The following AFG2A variants were observed in gnomAD, a reference collection of about 807,000 sequenced individuals.
The protein encoded by AFG2A is ATPase family gene 2 protein homolog A.
At chr4:123,085,727 CT>C in the AFG2A span, among the ~76,000 whole-genome samples, 2 of 152,186 alleles carry the variant, frequency 1.3e-5, no homozygotes, top group South Asian at 4.1e-4. Context: ...GGATTAATAT[CT>C]ACGATATTTG....
At chr4:123,191,962 G>T in the AFG2A span, among the ~76,000 whole-genome samples, 1 of 151,400 alleles carries the variant, frequency 6.6e-6, no homozygotes, top group South Asian at 2.1e-4. Context: ...GTTTCCTTAT[G>T]ATTTGTGGGT....
At chr4:123,101,966 T>G in the AFG2A span, among the ~76,000 whole-genome samples, 1 of 151,966 alleles carries the variant, frequency 6.6e-6, no homozygotes, top group Non-Finnish European at 1.5e-5. Flanking sequence ...AGACTGTGTA[T>G]TATTTGAAAT....
the AFG2A span, among the ~76,000 whole-genome samples, chr4:123,101,279 G>A: frequency 6.6e-6 from 1 of 151,886 alleles, no homozygotes; most frequent in Non-Finnish European, 1.5e-5. Context: ...AGATGGTTGA[G>A]ATTATTTATG....
chr4:122,969,504 G>A, the AFG2A span, among the ~76,000 whole-genome samples: 1 of 152,164 alleles, frequency 6.6e-6, no homozygotes, highest in African/African-American at 2.4e-5. Flanking sequence ...TTTCTGGAGG[G>A]TAAGTGATAT....
the AFG2A span, among the ~76,000 whole-genome samples, chr4:123,081,875 C>G: frequency 6.6e-6 from 1 of 152,124 alleles, no homozygotes; most frequent in Non-Finnish European, 1.5e-5. Flanking sequence ...TTTTCATTTG[C>G]AGTTCCCTAA....
the AFG2A span, among the ~76,000 whole-genome samples, chr4:122,984,166 C>A: frequency 6.6e-6 from 1 of 152,060 alleles, no homozygotes; most frequent in Middle Eastern, 3.2e-3. Context: ...TTGTAGAGGT[C>A]TTTCGACTCC....
At chr4:123,131,018 A>G in the AFG2A span, among the ~76,000 whole-genome samples, 3 of 152,136 alleles carry the variant, frequency 2.0e-5, no homozygotes, top group Non-Finnish European at 4.4e-5. Flanking sequence ...ATTACCAGCA[A>G]TATCAGGCAT....
chr4:123,048,570 T>A, the AFG2A span, among the ~76,000 whole-genome samples: 11 of 152,318 alleles, frequency 7.2e-5, no homozygotes, highest in African/African-American at 2.6e-4. Context: ...CTTGTAGAGA[T>A]CTTTGACTTC....
the AFG2A span, among the ~76,000 whole-genome samples, chr4:123,101,446 T>A: frequency 6.6e-6 from 1 of 151,966 alleles, no homozygotes; most frequent in Non-Finnish European, 1.5e-5. Context: ...TTATTATATA[T>A]ATACTGATAA....
At chr4:123,031,657 A>C in the AFG2A span, among the ~76,000 whole-genome samples, 1 of 152,254 alleles carries the variant, frequency 6.6e-6, no homozygotes, top group Non-Finnish European at 1.5e-5. Flanking sequence ...CAGTTAGGAA[A>C]CACAAGTATT....
chr4:123,043,896 ATAT>A, the AFG2A span, among the ~76,000 whole-genome samples: 2 of 152,146 alleles, frequency 1.3e-5, no homozygotes, highest in Admixed American at 6.6e-5. Flanking sequence ...CAGTCAGCAG[ATAT>A]TATTATTCTT....
chr4:123,016,699 T>A, the AFG2A span, among the ~76,000 whole-genome samples: 2 of 151,050 alleles, frequency 1.3e-5, no homozygotes, highest in African/African-American at 4.9e-5. Context: ...GCAGAGACGC[T>A]CCTCACTTCC....
chr4:123,197,895 G>A, the AFG2A span, among the ~76,000 whole-genome samples: 32 of 152,138 alleles, frequency 2.1e-4, no homozygotes, highest in Non-Finnish European at 4.4e-5. Context: ...AAGAGTTTTT[G>A]AATGCTGAAC....
the AFG2A span, chr4:123,313,779 G>T: frequency 1.5e-5 from 15 of 996,300 alleles, no homozygotes; most frequent in East Asian, 4.3e-4. Flanking sequence ...TTAGCAATGG[G>T]CATTTAGTTG....
the AFG2A span, among the ~76,000 whole-genome samples, chr4:123,302,460 C>G: frequency 6.6e-6 from 1 of 152,128 alleles, no homozygotes. Context: ...AGACAATTAT[C>G]TTGACTATAA....
At chr4:122,954,109 C>T in the AFG2A span, among the ~76,000 whole-genome samples, 6,250 of 152,234 alleles carry the variant, frequency 0.041, 416 homozygotes, top group African/African-American at 0.14. Context: ...CTCATCTGGC[C>T]ACGCTTCATT....
At chr4:122,993,540 A>G in the AFG2A span, among the ~76,000 whole-genome samples, 1 of 152,064 alleles carries the variant, frequency 6.6e-6, no homozygotes, top group African/African-American at 2.4e-5. Context: ...AAATCTTTGC[A>G]TTTATGATTT....
chr4:123,072,359 G>A, the AFG2A span, among the ~76,000 whole-genome samples: 1 of 152,174 alleles, frequency 6.6e-6, no homozygotes, highest in Non-Finnish European at 1.5e-5. Flanking sequence ...TCACAGCACT[G>A]TGTGGGAAGT....
chr4:123,039,031 A>AT, the AFG2A span, among the ~76,000 whole-genome samples: 1 of 152,086 alleles, frequency 6.6e-6, no homozygotes, highest in Non-Finnish European at 1.5e-5. Context: ...AGATATTGAC[A>AT]TTGTACTTAG....
Sources: gnomAD v4.1 joint callset for allele counts (sites outside exome capture counted in the v4.1 genomes callset) on GRCh38, gnomAD v4.1.1 for gene constraint, MANE v1.5 for transcripts, NCBI Gene and HGNC (gene_info 2026-07-23, HGNC 2026-07-21) for gene names.